CLNK: variants seen among roughly 807,000 people sequenced by gnomAD.
CLNK encodes cytokine-dependent hematopoietic cell linker.
In CLNK, 74 loss-of-function variants were observed where a neutral mutation model predicts 68.6. The observed-to-expected ratio is 1.08, with a 90% CI of 0.89 to 1.31. CLNK has a LOEUF of 1.31. Ranked by LOEUF, CLNK falls within the 50% of genes most tolerant of loss-of-function variation. The pLI is 0.00. For missense variants in CLNK, 553 were observed against 515.3 expected (o/e 1.07, Z -0.71); for synonymous variants, 198 against 172.2 (o/e 1.15, Z -1.17).
At chr4:10,539,874 G>T (rs1718945747) in intron 11 of CLNK, among the ~76,000 whole-genome samples, 1 of 152,196 alleles carries the variant, frequency 6.6e-6, no homozygotes, top group African/African-American at 2.4e-5. Flanking sequence ...AAAATATGCT[G>T]ATTCTGTTCT....
chr4:10,528,797 G>A (rs902822608), intron 12 of CLNK, among the ~76,000 whole-genome samples: 40 of 152,062 alleles, frequency 2.6e-4, no homozygotes, highest in African/African-American at 8.9e-4. Context: ...ATAAGGCTAC[G>A]GTTAATTTTT....
At chr4:10,715,543 A>G in the CLNK span, among the ~76,000 whole-genome samples, 5 of 152,172 alleles carry the variant, frequency 3.3e-5, no homozygotes, top group African/African-American at 7.2e-5. Context: ...TCAAACTAAC[A>G]TTCCACAAAT....
chr4:10,680,552 G>C (rs747412928), intron 1 of CLNK, among the ~76,000 whole-genome samples: 1 of 151,854 alleles, frequency 6.6e-6, no homozygotes, highest in Non-Finnish European at 1.5e-5. Flanking sequence ...AGGGACAAAG[G>C]CCAAGAATCT....
chr4:10,585,235 C>T (rs1720926612), intron 3 of CLNK, among the ~76,000 whole-genome samples: 4 of 152,142 alleles, frequency 2.6e-5, no homozygotes, highest in Admixed American at 2.6e-4. Context: ...GTATACGTAC[C>T]TGAAGATGTA....
intron 14 of CLNK, 41 bp downstream of exon 14, chr4:10,525,800 C>T (rs1227264183): frequency 1.7e-6 from 2 of 1,179,846 alleles, no homozygotes. Context: ...ATGGCCTGAC[C>T]CCTCAGCCTC....
In CLNK at chr4:10,490,343, G is replaced by A. The variant is rs1316606593; in HGVS notation, c.*124C>T. On this transcript the variant is annotated 3_prime_UTR_variant, in exon 19 of 19. Coordinates refer to ENST00000226951, the MANE Select transcript of CLNK (RefSeq NM_052964.4). Reference sequence around the variant, plus strand: ...GTGATTTTCCACTCTCTGTTATAGAGTGTTTTTCTTTTCTCCAAAGTTAAA... The same window carrying A: ...GTGATTTTCCACTCTCTGTTATAGAATGTTTTTCTTTTCTCCAAAGTTAAA... 1 of 958,290 alleles carries A rather than the reference G, an allele frequency of 1.0e-6. No individual in the cohort carries two copies. The highest frequency in any genetic ancestry group is 2.6e-5 in the East Asian group (1 of 37,772). 59.4% of individuals were successfully genotyped at this position (958,290 alleles called of 1,614,324 possible). A position where few individuals can be genotyped will look rare whatever the true frequency, so the allele number is the denominator to read the frequency against.
At chr4:10,630,076 G>C (rs1023875876) in intron 2 of CLNK, among the ~76,000 whole-genome samples, 3 of 152,116 alleles carry the variant, frequency 2.0e-5, no homozygotes, top group African/African-American at 7.2e-5. Flanking sequence ...GAATAATGAA[G>C]GGATATAACA....
At chr4:10,538,157 C>T (rs1045605502) in intron 11 of CLNK, among the ~76,000 whole-genome samples, 3 of 151,910 alleles carry the variant, frequency 2.0e-5, no homozygotes, top group Admixed American at 2.0e-4. Flanking sequence ...TCTCTGTTGC[C>T]CTCTGTCGCC....
upstream of CLNK, among the ~76,000 whole-genome samples, chr4:10,688,558 C>A (rs903537785): frequency 2.0e-5 from 3 of 152,122 alleles, no homozygotes; most frequent in Non-Finnish European, 4.4e-5. Flanking sequence ...GGTCAAATCC[C>A]ACCCAGTTAC....
intron 2 of CLNK, among the ~76,000 whole-genome samples, chr4:10,634,362 T>A (rs920111034): frequency 6.6e-6 from 1 of 152,244 alleles, no homozygotes; most frequent in Admixed American, 6.5e-5. Flanking sequence ...GAGACCCCAC[T>A]GTTTCCCAGC....
chr4:10,520,609 T>TAGAA (rs1441912910), intron 15 of CLNK, among the ~76,000 whole-genome samples, 182 bp downstream of exon 15: 5 of 152,184 alleles, frequency 3.3e-5, no homozygotes, highest in Non-Finnish European at 7.3e-5. Context: ...AGAAACCACC[T>TAGAA]AAGTGATCAT....
chr4:10,673,615 C>T (rs1014630691), intron 1 of CLNK, among the ~76,000 whole-genome samples: 1 of 138,972 alleles, frequency 7.2e-6, no homozygotes, highest in African/African-American at 2.8e-5. Flanking sequence ...GGTAGTTGAA[C>T]AATGAGAACA....
chr4:10,599,999 A>G (rs1721530880), intron 2 of CLNK, among the ~76,000 whole-genome samples: 1 of 152,204 alleles, frequency 6.6e-6, no homozygotes, highest in East Asian at 1.9e-4. Context: ...TCAGTTCTCT[A>G]TTCCTGCAAG....
intron 8 of CLNK, among the ~76,000 whole-genome samples, chr4:10,552,440 C>T (rs980643146): frequency 6.6e-6 from 1 of 152,200 alleles, no homozygotes; most frequent in African/African-American, 2.4e-5. Context: ...GTTATTCCTG[C>T]AGATAACACC....
At chr4:10,529,914 T>C (rs928325672) in intron 12 of CLNK, among the ~76,000 whole-genome samples, 1 of 152,220 alleles carries the variant, frequency 6.6e-6, no homozygotes, top group African/African-American at 2.4e-5. Flanking sequence ...TGTAACTTTT[T>C]TATTGTTAGA....
chr4:10,720,086 C>T, the CLNK span, among the ~76,000 whole-genome samples: 1 of 151,922 alleles, frequency 6.6e-6, no homozygotes, highest in Non-Finnish European at 1.5e-5. Flanking sequence ...AGAGCACTAA[C>T]TGCAAATGTT....
intron 7 of CLNK, among the ~76,000 whole-genome samples, chr4:10,559,317 A>G (rs939237249): frequency 6.6e-6 from 1 of 152,126 alleles, no homozygotes; most frequent in Admixed American, 6.5e-5. Context: ...GAACCACAGT[A>G]TTTATGCCTG....
chr4:10,655,334 C>CAGAG (rs148877353), intron 2 of CLNK, among the ~76,000 whole-genome samples: 2,280 of 135,300 alleles, frequency 0.017, 45 homozygotes, highest in African/African-American at 0.032. Flanking sequence ...CCCCCAAAGA[C>CAGAG]AGAGAGAGAG....
At chr4:10,732,181 T>C in the CLNK span, among the ~76,000 whole-genome samples, 1 of 152,242 alleles carries the variant, frequency 6.6e-6, no homozygotes, top group Non-Finnish European at 1.5e-5. Context: ...TTTATGAGTT[T>C]ATGTAATTTC....
Sources: gnomAD v4.1 joint callset for allele counts (sites outside exome capture counted in the v4.1 genomes callset) on GRCh38, gnomAD v4.1.1 for gene constraint, MANE v1.5 for transcripts, NCBI Gene and HGNC (gene_info 2026-07-23, HGNC 2026-07-21) for gene names.